Variants in CIMIP2B observed in about 807,000 individuals in gnomAD.
CIMIP2B encodes the protein family with sequence similarity 166 member B.
the CIMIP2B span, chr9:35,562,370 CTCT>C: frequency 6.8e-7 from 1 of 1,460,816 alleles, no homozygotes; most frequent in Non-Finnish European, 9.1e-7. Flanking sequence ...TCCCCGGGGG[CTCT>C]TCTCACCTGG....
chr9:35,562,241 G>A, the CIMIP2B span: 1 of 1,039,976 alleles, frequency 9.6e-7, no homozygotes, highest in Non-Finnish European at 1.4e-6. Flanking sequence ...TTCCTTTTCT[G>A]CCTGATAATA....
At chr9:35,562,830 C>T in the CIMIP2B span, 21 of 1,612,782 alleles carry the variant, frequency 1.3e-5, no homozygotes, top group Non-Finnish European at 1.7e-5. Context: ...CAGTAAGACC[C>T]CCACTCCCAC....
the CIMIP2B span, chr9:35,563,684 C>T: frequency 7.5e-7 from 1 of 1,332,414 alleles, no homozygotes; most frequent in East Asian, 2.3e-5. Flanking sequence ...GTCCGCTTGG[C>T]CCCATGCTCT....
At chr9:35,562,243 C>CTGAT in the CIMIP2B span, 19 of 1,048,170 alleles carry the variant, frequency 1.8e-5, no homozygotes, top group East Asian at 1.3e-4. Context: ...CCTTTTCTGC[C>CTGAT]TGATAATAAA....
At chr9:35,562,654 A>G in the CIMIP2B span, 98 of 1,613,568 alleles carry the variant, frequency 6.1e-5, no homozygotes, top group South Asian at 9.8e-4. Context: ...CTCACCTGAC[A>G]TGAAGAACTT....
At chr9:35,563,383 A>C in the CIMIP2B span, 2 of 1,609,454 alleles carry the variant, frequency 1.2e-6, no homozygotes, top group South Asian at 2.2e-5. Context: ...GGCAGTGTCC[A>C]GTGTACCTGC....
chr9:35,562,364 CG>C, the CIMIP2B span: 4 of 1,454,952 alleles, frequency 2.7e-6, no homozygotes, highest in Non-Finnish European at 3.6e-6. Context: ...AAAGCCTCCC[CG>C]GGGGCTCTTC....
the CIMIP2B span, chr9:35,562,800 G>GC: frequency 1.2e-6 from 2 of 1,607,348 alleles, no homozygotes; most frequent in East Asian, 2.2e-5. Flanking sequence ...TACTCATGCT[G>GC]CCCCCACTGC....
chr9:35,562,118 C>A, the CIMIP2B span: 1 of 1,487,670 alleles, frequency 6.7e-7, no homozygotes, highest in Non-Finnish European at 9.0e-7. Flanking sequence ...GAGAGTCTGT[C>A]ACATGTAGCA....
chr9:35,561,937 C>CCCCCCCCA, the CIMIP2B span: 1 of 485,376 alleles, frequency 2.1e-6, no homozygotes. Context: ...ACCCTCCCAC[C>CCCCCCCCA]CACCTCTCTC....
At chr9:35,563,051 C>A in the CIMIP2B span, 1 of 1,613,990 alleles carries the variant, frequency 6.2e-7, no homozygotes, top group Non-Finnish European at 8.5e-7. Flanking sequence ...CAGTTCTTGG[C>A]AAAGATGAAC....
the CIMIP2B span, chr9:35,561,871 A>C: frequency 1.5e-6 from 1 of 681,466 alleles, no homozygotes; most frequent in Non-Finnish European, 2.6e-6. Context: ...ATACCTATTA[A>C]TAAAAAAGGT....
the CIMIP2B span, chr9:35,562,459 G>T: frequency 8.8e-6 from 14 of 1,583,774 alleles, no homozygotes; most frequent in East Asian, 2.3e-4. Flanking sequence ...GATGTTTGGG[G>T]TCCTGGGCAC....
chr9:35,561,974 A>G, the CIMIP2B span: 1 of 994,218 alleles, frequency 1.0e-6, no homozygotes, highest in Non-Finnish European at 1.3e-6. Flanking sequence ...CTGGGATAGG[A>G]TGAAAAGGGA....
chr9:35,562,403 G>T, the CIMIP2B span: 1 of 1,509,224 alleles, frequency 6.6e-7, no homozygotes, highest in African/African-American at 1.4e-5. Flanking sequence ...CCCATAGTTA[G>T]GTAAAAGACC....
the CIMIP2B span, chr9:35,562,468 A>G: frequency 1.3e-6 from 2 of 1,584,558 alleles, no homozygotes; most frequent in Non-Finnish European, 1.7e-6. Context: ...GGTCCTGGGC[A>G]CTGCCTGGTG....
chr9:35,563,221 T>TA, the CIMIP2B span: 2 of 1,613,916 alleles, frequency 1.2e-6, no homozygotes, highest in Non-Finnish European at 1.7e-6. Context: ...GCCTGACAGG[T>TA]AGACTCTCCC....
chr9:35,562,927 A>G, the CIMIP2B span: 1 of 1,613,752 alleles, frequency 6.2e-7, no homozygotes, highest in South Asian at 1.1e-5. Flanking sequence ...CGGCTCTGGC[A>G]CCTGGTCCTT....
the CIMIP2B span, chr9:35,562,731 A>C: frequency 1.7e-4 from 279 of 1,613,254 alleles, 2 homozygotes; most frequent in East Asian, 6.2e-3. Context: ...CTGTCACACA[A>C]TCTCCCAAGG....
Sources: allele counts gnomAD v4.1 joint callset, GRCh38; gene constraint gnomAD v4.1.1; transcripts MANE v1.5; gene names NCBI Gene and HGNC (gene_info 2026-07-23, HGNC 2026-07-21).